The following JAZF1 variants were observed in gnomAD, a reference collection of about 807,000 sequenced individuals.
JAZF1 encodes the protein juxtaposed with another zinc finger protein 1.
Under a neutral mutation model 26.4 loss-of-function variants are expected in JAZF1, and 8 were observed. The observed-to-expected ratio is 0.30, with a 90% CI of 0.18 to 0.55. The LOEUF is 0.55. Among genes scored for constraint, JAZF1 ranks in the 20% least tolerant of loss-of-function variants. JAZF1 has a pLI of 0.94. For missense variants in JAZF1, 199 were observed against 322.0 expected, an observed-to-expected ratio of 0.62 and a Z score of 2.92; for synonymous variants, 126 against 122.3, an observed-to-expected ratio of 1.03 and a Z score of -0.20.
intron 3 of JAZF1, among the ~76,000 whole-genome samples, chr7:27,887,745 ATGTTTTGTT>A (rs369295803): frequency 6.4e-4 from 97 of 152,116 alleles, no homozygotes; most frequent in Non-Finnish European, 1.1e-3. Flanking sequence ...AGTCAAAAAA[ATGTTTTGTT>A]TGGGAAGGTT....
At chr7:27,969,959 C>T (rs1474232047) in intron 2 of JAZF1, among the ~76,000 whole-genome samples, 1 of 152,182 alleles carries the variant, frequency 6.6e-6, no homozygotes, top group Non-Finnish European at 1.5e-5. Flanking sequence ...GTAGTTCAAA[C>T]CTTGTCTGCC....
intron 3 of JAZF1, among the ~76,000 whole-genome samples, chr7:27,878,373 A>AACACAC (rs10645898): frequency 1.8e-4 from 28 of 151,646 alleles, no homozygotes; most frequent in Middle Eastern, 3.4e-3. Flanking sequence ...GAAAACATCT[A>AACACAC]ACACACACAC....
intron 2 of JAZF1, among the ~76,000 whole-genome samples, chr7:27,975,957 T>C (rs1785461616): frequency 6.6e-6 from 1 of 152,146 alleles, no homozygotes; most frequent in Non-Finnish European, 1.5e-5. Flanking sequence ...CTACCAAGTG[T>C]TTTGTGTGAG....
intron 1 of JAZF1, among the ~76,000 whole-genome samples, chr7:28,111,574 C>G (rs1373033254): frequency 6.6e-6 from 1 of 152,116 alleles, no homozygotes; most frequent in African/African-American, 2.4e-5. Context: ...GAGGAGGTTC[C>G]TCAGTAAAAG....
chr7:27,839,352 T>C (rs1290314719), intron 4 of JAZF1, among the ~76,000 whole-genome samples: 1 of 152,204 alleles, frequency 6.6e-6, no homozygotes, highest in African/African-American at 2.4e-5. Flanking sequence ...GCCCAGGCAG[T>C]GGCCAGTCAC....
intron 2 of JAZF1, among the ~76,000 whole-genome samples, chr7:27,917,064 T>A (rs1784454014): frequency 6.6e-6 from 1 of 152,138 alleles, no homozygotes; most frequent in South Asian, 2.1e-4. Context: ...CAGAGTGAGA[T>A]CTCACCTCTT....
chr7:28,020,283 T>C (rs1248936729), intron 1 of JAZF1, among the ~76,000 whole-genome samples: 1 of 152,252 alleles, frequency 6.6e-6, no homozygotes, highest in Admixed American at 6.5e-5. Flanking sequence ...TAAGGTGACT[T>C]GGGACATAAG....
intron 3 of JAZF1, among the ~76,000 whole-genome samples, chr7:27,845,917 C>T (rs186133360): frequency 1.1e-4 from 16 of 152,028 alleles, no homozygotes; most frequent in Non-Finnish European, 1.9e-4. Context: ...CCCTTTCCAG[C>T]CCTAAATCGC....
intron 1 of JAZF1, among the ~76,000 whole-genome samples, chr7:28,161,505 T>C (rs1461334461): frequency 6.6e-6 from 1 of 152,154 alleles, no homozygotes; most frequent in Non-Finnish European, 1.5e-5. Context: ...GGTGCCTCCT[T>C]GTTATTAAGG....
chr7:27,921,759 T>C (rs1167759425), intron 2 of JAZF1, among the ~76,000 whole-genome samples: 1 of 152,166 alleles, frequency 6.6e-6, no homozygotes, highest in African/African-American at 2.4e-5. Flanking sequence ...TGGCCAGGCA[T>C]GGTGGCTCAA....
intron 3 of JAZF1, among the ~76,000 whole-genome samples, chr7:27,857,491 C>T (rs10228505): frequency 0.11 from 16,485 of 152,242 alleles, 945 homozygotes; most frequent in African/African-American, 0.13. Context: ...GACTCAAGCG[C>T]GGCCAGAGTG....
chr7:28,011,751 T>C (rs907000414), intron 1 of JAZF1, among the ~76,000 whole-genome samples: 6 of 152,104 alleles, frequency 3.9e-5, no homozygotes, highest in African/African-American at 1.4e-4. Flanking sequence ...TGGGCCCTCA[T>C]AAAAAATGAT....
intron 1 of JAZF1, among the ~76,000 whole-genome samples, chr7:28,074,502 T>C (rs548654278): frequency 1.3e-5 from 2 of 152,288 alleles, no homozygotes; most frequent in South Asian, 4.1e-4. Context: ...TGTATGTACT[T>C]ATGTGTACAT....
At chr7:28,108,706 T>C (rs1361037418) in intron 1 of JAZF1, among the ~76,000 whole-genome samples, 1 of 152,220 alleles carries the variant, frequency 6.6e-6, no homozygotes, top group Non-Finnish European at 1.5e-5. Context: ...TCTGGATAGA[T>C]GCCCAAAGAA....
At chr7:27,935,942 G>C (rs1404669934) in intron 2 of JAZF1, among the ~76,000 whole-genome samples, 1 of 152,160 alleles carries the variant, frequency 6.6e-6, no homozygotes, top group African/African-American at 2.4e-5. Context: ...ACTAGGGTGA[G>C]GAGTGAGGTA....
At chr7:28,108,848 T>C (rs977579901) in intron 1 of JAZF1, among the ~76,000 whole-genome samples, 1 of 152,174 alleles carries the variant, frequency 6.6e-6, no homozygotes, top group Non-Finnish European at 1.5e-5. Flanking sequence ...GTGGTATTCA[T>C]ACACAATGGA....
intron 1 of JAZF1, among the ~76,000 whole-genome samples, chr7:28,083,820 A>G (rs928692657): frequency 6.6e-5 from 10 of 151,794 alleles, no homozygotes; most frequent in Admixed American, 5.2e-4. Flanking sequence ...TGCTTACAAC[A>G]TTGTAACATT....
At chr7:28,038,281 A>T (rs1158461500) in intron 1 of JAZF1, among the ~76,000 whole-genome samples, 1 of 152,336 alleles carries the variant, frequency 6.6e-6, no homozygotes, top group South Asian at 2.1e-4. Context: ...TGGGGGAATG[A>T]TTGTGGCAAA....
chr7:27,995,388 C>T (rs576084345), intron 1 of JAZF1, among the ~76,000 whole-genome samples: 15 of 152,236 alleles, frequency 9.9e-5, no homozygotes, highest in African/African-American at 2.2e-4. Flanking sequence ...TAACAACATT[C>T]GACCACTTTC....
Sources: gnomAD v4.1 joint callset for allele counts (sites outside exome capture counted in the v4.1 genomes callset) on GRCh38, gnomAD v4.1.1 for gene constraint, MANE v1.5 for transcripts, NCBI Gene and HGNC (gene_info 2026-07-23, HGNC 2026-07-21) for gene names.